The following MGAT4C variants were observed in gnomAD, a reference collection of about 807,000 sequenced individuals.
MGAT4C encodes the protein alpha-1,3-mannosyl-glycoprotein 4-beta-N-acetylglucosaminyltransferase C.
In MGAT4C, 19 loss-of-function variants were observed where a neutral mutation model predicts 40.1. The ratio of observed to expected loss-of-function variants is 0.47; its 90% CI spans 0.33 to 0.70. The LOEUF (loss-of-function observed/expected upper bound fraction) is 0.70. Ranked by LOEUF, MGAT4C falls within the 30% of genes least tolerant of loss-of-function variation. The pLI, the probability that MGAT4C is intolerant of heterozygous loss-of-function variation, is 0.02. For synonymous variants in MGAT4C, 181 were observed against 187.1 expected, an observed-to-expected ratio of 0.97 and a Z score of 0.27; for missense variants, 491 against 563.2, an observed-to-expected ratio of 0.87 and a Z score of 1.30.
chr12:86,218,906 C>T lies in MGAT4C; in HGVS notation c.-57+37333G>A, dbSNP rs781672555. The stretch of plus-strand genomic sequence containing the variant: ...TAAAAGTATGTAAATTCAGGCCAGG[C>T]GTGGTGGCTTATGCTTGTAATCTCA... On this transcript the variant is annotated intron_variant, in intron 1 of 4. Transcript: ENST00000611864. 2.6e-5 allele frequency among the ~76,000 whole-genome samples: 4 copies of T among 152,100 alleles called. No homozygotes were observed. In the East Asian group the frequency reaches 5.8e-4, roughly 22 times the overall value.
chr12:86,313,695 T>G (rs2136152870), intron 4 of MGAT4C, among the ~76,000 whole-genome samples: 1 of 152,312 alleles, frequency 6.6e-6, no homozygotes, highest in African/African-American at 2.4e-5. Context: ...GTTAACTAAA[T>G]TACGTCTTAG....
At chr12:86,797,632 C>A (rs1472423612) in intron 1 of MGAT4C, among the ~76,000 whole-genome samples, 5 of 151,914 alleles carry the variant, frequency 3.3e-5, no homozygotes, top group Admixed American at 1.3e-4. Flanking sequence ...GTTTTATCTT[C>A]ATTTCCTTAG....
At chr12:86,500,029 A>C (rs1406881279) in intron 2 of MGAT4C, among the ~76,000 whole-genome samples, 1 of 151,860 alleles carries the variant, frequency 6.6e-6, no homozygotes, top group Admixed American at 6.6e-5. Context: ...ACATATCAAA[A>C]CATGCAGAGA....
chr12:86,794,122 T>C (rs1182138403), intron 1 of MGAT4C, among the ~76,000 whole-genome samples: 3 of 151,894 alleles, frequency 2.0e-5, no homozygotes, highest in Non-Finnish European at 4.4e-5. Context: ...TGAATTAATA[T>C]AGTTACATCA....
chr12:86,082,094 T>C lies in MGAT4C; in HGVS notation c.-56-32371A>G, dbSNP rs184627889. Reference sequence around the variant, plus strand: ...GTATTTCTGTTGGAAACACTGTGAATCATGCATAAGCACTTCATAAGAATC... The same window carrying C: ...GTATTTCTGTTGGAAACACTGTGAACCATGCATAAGCACTTCATAAGAATC... On this transcript the variant is annotated intron_variant, in intron 1 of 4. Transcript: ENST00000611864. Among the ~76,000 whole-genome samples the C allele has an allele frequency of 1.6e-3, 240 of 152,246 alleles. 1 individual carries two copies. Among genetic ancestry groups the C allele is most frequent in the Admixed American group, 5.0e-3 (76 of 15,276 alleles).
chr12:86,629,530 G>T (rs994773475), intron 2 of MGAT4C, among the ~76,000 whole-genome samples: 1 of 152,096 alleles, frequency 6.6e-6, no homozygotes, highest in Non-Finnish European at 1.5e-5. Context: ...AAATGAAAAA[G>T]AACAGAAATC....
At chr12:86,638,978 A>C (rs1963301508) in intron 2 of MGAT4C, among the ~76,000 whole-genome samples, 1 of 151,824 alleles carries the variant, frequency 6.6e-6, no homozygotes, top group Non-Finnish European at 1.5e-5. Flanking sequence ...GATGTAAAAA[A>C]TGTCATTTTA....
At chr12:86,483,459 T>C (rs963783918) in intron 2 of MGAT4C, among the ~76,000 whole-genome samples, 3 of 152,218 alleles carry the variant, frequency 2.0e-5, no homozygotes. Context: ...GTGTGTATTG[T>C]TTCTATTCTA....
chr12:86,233,003 A>G (rs1287698649), intron 1 of MGAT4C, among the ~76,000 whole-genome samples: 2 of 152,216 alleles, frequency 1.3e-5, no homozygotes, highest in Non-Finnish European at 2.9e-5. Context: ...TAATTTGTAG[A>G]ATCAACAGCT....
chr12:86,528,033 A>T (rs941831609), intron 2 of MGAT4C, among the ~76,000 whole-genome samples: 8 of 152,198 alleles, frequency 5.3e-5, no homozygotes, highest in African/African-American at 1.9e-4. Flanking sequence ...AATCATAAAA[A>T]GTATATATCT....
Position 85,959,373 on chromosome 12 carries a change from T to C in MGAT4C, c.*19916A>G, listed in dbSNP as rs1882988630. The C allele has an allele frequency of 6.6e-6, 1 of 152,120 alleles. No homozygotes were observed. Among genetic ancestry groups the C allele is most frequent in the Non-Finnish European group, 1.5e-5 (1 of 67,972 alleles). 9.4% of individuals were successfully genotyped at this position (152,120 alleles called of 1,614,324 possible). ...TCTAAAGTTTGGTAAATCTTTGCTTTACAGGGCTTCAAGTTATAGATTTTT... is the reference window on the plus strand; with the variant it reads ...TCTAAAGTTTGGTAAATCTTTGCTTCACAGGGCTTCAAGTTATAGATTTTT... On this transcript the variant is annotated 3_prime_UTR_variant, in exon 5 of 5. Transcript: ENST00000611864.
intron 2 of MGAT4C, among the ~76,000 whole-genome samples, chr12:86,571,120 T>C (rs1454970443): frequency 4.6e-5 from 7 of 152,124 alleles, no homozygotes; most frequent in Non-Finnish European, 8.8e-5. Flanking sequence ...CTGCCCTCTT[T>C]TAACTTTAAT....
At chr12:86,028,240 A>G in intron 2 of MGAT4C, 1 of 1,187,272 alleles carries the variant, frequency 8.4e-7, no homozygotes, top group South Asian at 1.3e-5. Flanking sequence ...CTTTTTCATT[A>G]TTATTAAAAG....
chr12:86,092,304 C>G (rs1873024978), intron 1 of MGAT4C, among the ~76,000 whole-genome samples: 1 of 151,988 alleles, frequency 6.6e-6, no homozygotes. Context: ...ATTTATATAT[C>G]TTGGAAGGAG....
Position 85,959,893 on chromosome 12 carries a change from T to G in MGAT4C, c.*19396A>C, listed in dbSNP as rs1565789208. ...ATATGTCTTTTGCTTATTAAAGGAT[T>G]AAAATCCACCTCTAAACTTATTTAG... On this transcript the variant is annotated 3_prime_UTR_variant, in exon 5 of 5. Coordinates refer to ENST00000611864, the MANE Select transcript of MGAT4C (RefSeq NM_001351288.2). 1 of 152,020 alleles carries G rather than the reference T, an allele frequency of 6.6e-6. No individual in the cohort carries two copies. Among genetic ancestry groups the G allele is most frequent in the Non-Finnish European group, 1.5e-5 (1 of 67,956 alleles). The allele number at this position is 152,020 out of a possible 1,614,324, so 9.4% of individuals were successfully genotyped here.
intron 2 of MGAT4C, among the ~76,000 whole-genome samples, chr12:86,703,001 A>C (rs936106593): frequency 6.6e-6 from 1 of 152,168 alleles, no homozygotes; most frequent in African/African-American, 2.4e-5. Flanking sequence ...GGAGTTTGAA[A>C]TAAGTTGATT....
Position 86,206,754 on chromosome 12 carries a change from G to A in MGAT4C, c.-57+49485C>T, listed in dbSNP as rs190235891. On this transcript the variant is annotated intron_variant, in intron 1 of 4. Coordinates refer to ENST00000611864, the MANE Select transcript of MGAT4C (RefSeq NM_001351288.2). ...AAGATATATTATGTGAAAGGTATGA[G>A]GTATTCACAGTTGAAGACCATATTT... Among the ~76,000 whole-genome samples, 3 of 152,192 alleles carry A rather than the reference G, an allele frequency of 2.0e-5. No homozygotes were observed. In the East Asian group the frequency reaches 5.8e-4, roughly 29 times the overall value.
chr12:86,082,845 AT>A (rs200114811), intron 1 of MGAT4C, among the ~76,000 whole-genome samples: 4 of 150,272 alleles, frequency 2.7e-5, no homozygotes, highest in South Asian at 2.1e-4. Context: ...TTATACTTTT[AT>A]TTTTTTTTGC....
chr12:86,341,658 C>G (rs557147345), intron 3 of MGAT4C, among the ~76,000 whole-genome samples: 48 of 152,278 alleles, frequency 3.2e-4, no homozygotes, highest in African/African-American at 8.9e-4. Flanking sequence ...TGTTCAGGAG[C>G]CTTTGCCATT....
Sources: gnomAD v4.1 joint callset for allele counts (sites outside exome capture counted in the v4.1 genomes callset) on GRCh38, gnomAD v4.1.1 for gene constraint, MANE v1.5 for transcripts, NCBI Gene and HGNC (gene_info 2026-07-23, HGNC 2026-07-21) for gene names.